Variants in RTL4 observed in about 807,000 individuals in gnomAD.
RTL4 encodes retrotransposon Gag like 4.
A neutral mutation model predicts 5.3 loss-of-function variants in RTL4; 4 were observed. The ratio of observed to expected loss-of-function variants is 0.75; its 90% CI spans 0.37 to 1.72. The LOEUF (loss-of-function observed/expected upper bound fraction) is 1.72. RTL4 is among the 40% of genes most tolerant of loss of function. RTL4 has a pLI of 0.04. For missense variants in RTL4, 260 were observed against 227.1 expected, an observed-to-expected ratio of 1.14 and a Z score of -0.93; for synonymous variants, 98 against 87.3, an observed-to-expected ratio of 1.12 and a Z score of -0.68.
At chrX:112,393,463 C>T in the RTL4 span, among the ~76,000 whole-genome samples, 1 of 111,389 alleles carries the variant, frequency 9.0e-6, no homozygotes, top group East Asian at 2.9e-4. Flanking sequence ...GGATCTTTAT[C>T]CCCAGGAGGT....
chrX:112,124,778 G>C, the RTL4 span, among the ~76,000 whole-genome samples: 5 of 110,483 alleles, frequency 4.5e-5, no homozygotes, highest in Admixed American at 4.8e-4. Flanking sequence ...CACGTTCTGC[G>C]CACGTATCCT....
chrX:112,229,733 G>A, the RTL4 span, among the ~76,000 whole-genome samples: 1 of 112,312 alleles, frequency 8.9e-6, no homozygotes, highest in Non-Finnish European at 1.9e-5. Context: ...CTGTTTGTTA[G>A]TTTTCCTTCT....
At chrX:112,149,266 T>A in the RTL4 span, among the ~76,000 whole-genome samples, 4 of 111,441 alleles carry the variant, frequency 3.6e-5, no homozygotes, top group Non-Finnish European at 7.5e-5. Context: ...GCTGACAGTC[T>A]TTTTGAGGGA....
the RTL4 span, among the ~76,000 whole-genome samples, chrX:112,243,831 T>C: frequency 8.9e-6 from 1 of 111,974 alleles, no homozygotes; most frequent in African/African-American, 3.3e-5. Flanking sequence ...CTTGTGGGCA[T>C]TTAGTGCTAT....
At chrX:112,239,685 C>T in the RTL4 span, among the ~76,000 whole-genome samples, 1 of 111,502 alleles carries the variant, frequency 9.0e-6, no homozygotes, top group South Asian at 3.8e-4. Context: ...AGGAAGGTGT[C>T]AGTAGGAACA....
the RTL4 span, among the ~76,000 whole-genome samples, chrX:112,146,702 G>C: frequency 4.6e-5 from 5 of 109,604 alleles, no homozygotes; most frequent in Non-Finnish European, 9.5e-5. Flanking sequence ...AGTGAATCCA[G>C]GAGGAGGGGA....
At chrX:112,405,202 C>A in the RTL4 span, among the ~76,000 whole-genome samples, 1 of 111,583 alleles carries the variant, frequency 9.0e-6, no homozygotes, top group African/African-American at 3.3e-5. Flanking sequence ...AGTCAGAAAC[C>A]AGATTAACAC....
the RTL4 span, among the ~76,000 whole-genome samples, chrX:112,402,695 G>C: frequency 7.0e-3 from 781 of 110,830 alleles, 7 homozygotes; most frequent in African/African-American, 0.025. Context: ...TTGTGATAAA[G>C]AAGTTGAGAA....
the RTL4 span, among the ~76,000 whole-genome samples, chrX:112,084,945 C>T: frequency 5.9e-4 from 66 of 112,442 alleles, no homozygotes; most frequent in Non-Finnish European, 1.1e-3. Context: ...CTTCTAACCT[C>T]TTCAGATCAA....
At chrX:112,149,209 C>T in the RTL4 span, among the ~76,000 whole-genome samples, 2 of 111,409 alleles carry the variant, frequency 1.8e-5, no homozygotes, top group Admixed American at 9.6e-5. Flanking sequence ...AGACCTTTTT[C>T]GAGGCACTAG....
the RTL4 span, among the ~76,000 whole-genome samples, chrX:112,304,809 C>T: frequency 9.2e-6 from 1 of 109,040 alleles, no homozygotes; most frequent in Admixed American, 1.0e-4. Context: ...TCCTCCTACT[C>T]CCTCCTGCCC....
At chrX:112,288,067 G>A in the RTL4 span, among the ~76,000 whole-genome samples, 2,463 of 111,857 alleles carry the variant, frequency 0.022, 71 homozygotes, top group African/African-American at 0.073. Flanking sequence ...GACAACAACT[G>A]TTGCTCTTGG....
the RTL4 span, among the ~76,000 whole-genome samples, chrX:112,278,834 A>T: frequency 9.0e-6 from 1 of 111,486 alleles, no homozygotes; most frequent in African/African-American, 3.3e-5. Context: ...CTCCCAAAAA[A>T]AAAGATACTA....
the RTL4 span, among the ~76,000 whole-genome samples, chrX:112,156,622 T>C: frequency 8.9e-6 from 1 of 112,069 alleles, no homozygotes; most frequent in African/African-American, 3.2e-5. Context: ...AGACTAAAGT[T>C]AGGCTTGCTG....
At chrX:112,148,796 G>T in the RTL4 span, among the ~76,000 whole-genome samples, 1 of 112,004 alleles carries the variant, frequency 8.9e-6, no homozygotes. Flanking sequence ...AGAATTTTGC[G>T]TGGTTGTATA....
the RTL4 span, among the ~76,000 whole-genome samples, chrX:112,241,961 G>T: frequency 9.0e-6 from 1 of 111,376 alleles, no homozygotes; most frequent in Non-Finnish European, 1.9e-5. Flanking sequence ...GAATCCTTTT[G>T]CCATTTCTTA....
the RTL4 span, among the ~76,000 whole-genome samples, chrX:112,190,139 CCTTTCTTT>C: frequency 0.13 from 10,183 of 77,007 alleles, 650 homozygotes; most frequent in Admixed American, 0.19. Flanking sequence ...GTAGCCTGTC[CCTTTCTTT>C]CTTTCTTTCT....
the RTL4 span, among the ~76,000 whole-genome samples, chrX:112,369,949 C>T: frequency 4.5e-5 from 5 of 112,061 alleles, no homozygotes; most frequent in African/African-American, 1.6e-4. Flanking sequence ...AGGTTTTTGA[C>T]TTGAGAAATA....
the RTL4 span, among the ~76,000 whole-genome samples, chrX:112,419,809 A>T: frequency 9.3e-6 from 1 of 107,009 alleles, no homozygotes; most frequent in African/African-American, 3.4e-5. Flanking sequence ...TGGCAATCAG[A>T]ACAGATGCAG....
Sources: gnomAD v4.1 joint callset for allele counts (sites outside exome capture counted in the v4.1 genomes callset) on GRCh38, gnomAD v4.1.1 for gene constraint, MANE v1.5 for transcripts, NCBI Gene and HGNC (gene_info 2026-07-23, HGNC 2026-07-21) for gene names.